Variants in SETD3 observed in about 807,000 individuals in gnomAD.
The protein encoded by SETD3 is SET domain containing 3, actin N3(tau)-histidine methyltransferase, also known as actin-histidine N-methyltransferase.
SETD3 carries 19 observed loss-of-function variants against 63.0 expected under a neutral mutation model. The ratio of observed to expected loss-of-function variants is 0.30; its 90% CI spans 0.21 to 0.44. The LOEUF is 0.44. SETD3 is among the 20% of genes least tolerant of loss of function. The pLI is 1.00. For missense variants in SETD3, 587 were observed against 728.5 expected (o/e 0.81, Z 2.24); for synonymous variants, 286 against 264.1 (o/e 1.08, Z -0.80).
At chr14:99,458,629 G>A in intron 5 of SETD3, 94 bp from the exon 6 acceptor site, 3 of 1,437,122 alleles carry the variant, frequency 2.1e-6, no homozygotes, top group Non-Finnish European at 2.8e-6. Flanking sequence ...AAACTAAAAG[G>A]TCTTGTAACA....
In SETD3 at chr14:99,412,810, T is replaced by A. The variant is rs147192500; in HGVS notation, c.849+141A>T. 273 of 607,482 alleles carry A rather than the reference T, an allele frequency of 4.5e-4. No homozygotes were observed. The African/African-American group carries it at 4.7e-3, about 10-fold the overall frequency. 37.6% of individuals were successfully genotyped at this position (607,482 alleles called of 1,614,324 possible). Reference sequence around the variant, plus strand: ...TCTATCTGTGGGCGGTGGGGAGGAGTGGCCGGTTCGGTTTTGTTTGTTCCT... The same window carrying A: ...TCTATCTGTGGGCGGTGGGGAGGAGAGGCCGGTTCGGTTTTGTTTGTTCCT... On this transcript the variant is annotated intron_variant, in intron 8 of 12. Coordinates refer to ENST00000331768, the MANE Select transcript of SETD3 (RefSeq NM_032233.3).
intron 3 of SETD3, 56 bp downstream of exon 3, chr14:99,463,430 T>A: frequency 7.3e-7 from 1 of 1,372,792 alleles, no homozygotes; most frequent in Admixed American, 1.9e-5. Context: ...CCCTTTGACC[T>A]AATCAAGTTT....
In SETD3 at chr14:99,465,789, C is replaced by A; in HGVS notation, c.17G>T (p.Arg6Leu). MGKKS[R>L]VKTQKSGTGA... The stretch of plus-strand genomic sequence containing the variant: ...AGTGCCAGATTTCTGAGTTTTTACT[C>A]GACTCTTCTTACCCATTTTTCTGAC... The change falls in exon 2 of 13, where the codon CGA becomes CTA. Residue 6 changes from arginine (R) to leucine (L), a missense_variant. Transcript: ENST00000331768. The A allele has an allele frequency of 6.2e-7, 1 of 1,613,566 alleles. No individual in the cohort carries two copies. The highest frequency in any genetic ancestry group is 8.5e-7 in the Non-Finnish European group (1 of 1,179,682).
intron 1 of SETD3, among the ~76,000 whole-genome samples, chr14:99,471,690 T>G (rs1190374261): frequency 6.6e-6 from 1 of 152,228 alleles, no homozygotes; most frequent in African/African-American, 2.4e-5. Flanking sequence ...AATCCAGTTT[T>G]AGATAGAAAA....
intron 8 of SETD3, chr14:99,411,420 A>G (rs1232281439): frequency 1.3e-5 from 2 of 152,238 alleles, no homozygotes. Context: ...CAATGGATGG[A>G]AGCTTCGCTA....
intron 9 of SETD3, among the ~76,000 whole-genome samples, 197 bp from the exon 10 acceptor site, chr14:99,405,568 G>A (rs1295142468): frequency 6.6e-6 from 1 of 152,106 alleles, no homozygotes; most frequent in Non-Finnish European, 1.5e-5. Flanking sequence ...CTGAGACCAA[G>A]CACCCACTTC....
chr14:99,423,471 A>C (rs369988253), intron 6 of SETD3, among the ~76,000 whole-genome samples: 41 of 151,324 alleles, frequency 2.7e-4, no homozygotes, highest in African/African-American at 9.5e-4. Flanking sequence ...AGTACCTGAG[A>C]GGTTTGTTAT....
chr14:99,431,843 A>G (rs902539246), intron 6 of SETD3, among the ~76,000 whole-genome samples: 1 of 152,166 alleles, frequency 6.6e-6, no homozygotes, highest in Non-Finnish European at 1.5e-5. Flanking sequence ...TCATTCTCAC[A>G]CAGCAAAGCA....
At chr14:99,443,005 C>T (rs1438304122) in intron 6 of SETD3, among the ~76,000 whole-genome samples, 1 of 152,184 alleles carries the variant, frequency 6.6e-6, no homozygotes, top group Non-Finnish European at 1.5e-5. Context: ...CCCCATTTGC[C>T]TTGGCCAAGC....
At position 99,439,752 on chromosome 14, in the gene SETD3, GTATT is replaced by G. The variant is rs1026905041; in HGVS notation, c.675+18523_675+18526del. ...TATATTTTTATACATATAAATGTATGTATTTATATTTTTATACACATAAATGTAT... is the reference window on the plus strand; with the variant it reads ...TATATTTTTATACATATAAATGTATGTATATTTTTATACACATAAATGTAT... On this transcript the variant is annotated intron_variant, in intron 6 of 12. Transcript: ENST00000331768. Among the ~76,000 whole-genome samples the G allele has an allele frequency of 2.8e-4, 41 of 148,082 alleles. No individual in the cohort carries two copies. In the East Asian group the frequency reaches 3.0e-3, roughly 11 times the overall value.
rs934971556 is a variant in SETD3 at position 99,419,707 on chromosome 14, G to A, written c.676-5773C>T. Among the ~76,000 whole-genome samples, 230 of 150,750 alleles carry A rather than the reference G, an allele frequency of 1.5e-3. 4 individuals are homozygous for A. Among genetic ancestry groups the A allele is most frequent in the Non-Finnish European group, 4.1e-4 (28 of 67,522 alleles). On this transcript the variant is annotated intron_variant, in intron 6 of 12. Transcript: ENST00000331768. ...GGAGAATGGCGTGAACCCGGGAGGC[G>A]GAGCTTGCAGTGAGCCGAGATCCCG...
chr14:99,480,263 G>A (rs1382957569), intron 1 of SETD3, among the ~76,000 whole-genome samples: 1 of 152,076 alleles, frequency 6.6e-6, no homozygotes, highest in African/African-American at 2.4e-5. Flanking sequence ...GGAAGGAAAT[G>A]GGAGCGCGAC....
At chr14:99,481,570 G>C, upstream of SETD3, 1 of 397,912 alleles carries the variant, frequency 2.5e-6, no homozygotes, top group Admixed American at 4.4e-5. Context: ...CTATCCACTG[G>C]CGGAGTCTCT....
chr14:99,445,238 A>T (rs1433927939), intron 6 of SETD3, among the ~76,000 whole-genome samples: 2 of 152,248 alleles, frequency 1.3e-5, no homozygotes, highest in East Asian at 3.8e-4. Context: ...AACTAACGGC[A>T]ACAGAATATA....
At chr14:99,482,148 C>T (rs921655629), upstream of SETD3, among the ~76,000 whole-genome samples, 2 of 152,212 alleles carry the variant, frequency 1.3e-5, no homozygotes, top group Non-Finnish European at 2.9e-5. Context: ...GTAATGCTCC[C>T]TAAATTTAGA....
intron 11 of SETD3, among the ~76,000 whole-genome samples, chr14:99,401,917 G>A (rs774522342): frequency 2.0e-5 from 3 of 152,190 alleles, no homozygotes; most frequent in Non-Finnish European, 2.9e-5. Flanking sequence ...CATTTCTGGA[G>A]AAATAAAGCC....
rs186182372 is a variant in SETD3 at position 99,465,765 on chromosome 14, G to C, written c.41C>G (p.Thr14Ser). The C allele has an allele frequency of 2.5e-6, 4 of 1,614,086 alleles. No individual in the cohort carries two copies. The highest frequency in any genetic ancestry group is 3.3e-5 in the Admixed American group (2 of 60,018). ...TGGTGACACAGTTGCTGTAGCACCA[G>C]TGCCAGATTTCTGAGTTTTTACTCG... Reference protein sequence around the residue: ...KSRVKTQKSGTGATATVSPKE... With the variant: ...KSRVKTQKSGSGATATVSPKE... The change falls in exon 2 of 13, where the codon ACT (threonine) becomes AGT (serine). Residue 14 changes from threonine (T) to serine (S), a missense_variant. Coordinates refer to ENST00000331768, the MANE Select transcript of SETD3 (RefSeq NM_032233.3).
At chr14:99,441,277 G>GA (rs1316836146) in intron 6 of SETD3, among the ~76,000 whole-genome samples, 2 of 152,196 alleles carry the variant, frequency 1.3e-5, no homozygotes, top group Non-Finnish European at 2.9e-5. Flanking sequence ...GACCTAATCA[G>GA]GTGCTTCTGT....
upstream of SETD3, among the ~76,000 whole-genome samples, chr14:99,484,221 T>C (rs1896427076): frequency 6.6e-6 from 1 of 152,258 alleles, no homozygotes; most frequent in Admixed American, 6.5e-5. Context: ...GCTTGCTAGC[T>C]GTGAATTAGT....
Sources: gnomAD v4.1 joint callset for allele counts (sites outside exome capture counted in the v4.1 genomes callset) on GRCh38, gnomAD v4.1.1 for gene constraint, MANE v1.5 for transcripts, NCBI Gene and HGNC (gene_info 2026-07-23, HGNC 2026-07-21) for gene names.